Variants in OLFM1 observed in about 807,000 individuals in gnomAD.
OLFM1 encodes noelin.
Under a neutral mutation model 49.7 loss-of-function variants are expected in OLFM1, and 9 were observed. The ratio of observed to expected loss-of-function variants is 0.18; its 90% CI spans 0.11 to 0.32. OLFM1 has a LOEUF of 0.32. Ranked by LOEUF, OLFM1 falls within the 10% of genes least tolerant of loss-of-function variation. OLFM1 has a pLI of 1.00. For missense variants in OLFM1, 369 were observed against 661.8 expected, an observed-to-expected ratio of 0.56 and a Z score of 4.85; for synonymous variants, 240 against 271.8, an observed-to-expected ratio of 0.88 and a Z score of 1.15.
intron 4 of OLFM1, among the ~76,000 whole-genome samples, chr9:135,102,272 G>C (rs1283952749): frequency 6.6e-6 from 1 of 152,162 alleles, no homozygotes; most frequent in African/African-American, 2.4e-5. Context: ...TGTGAGAAAG[G>C]GTCAGCCAGG....
intron 4 of OLFM1, chr9:135,106,122 G>A (rs1189115502): frequency 2.0e-5 from 3 of 152,530 alleles, no homozygotes; most frequent in African/African-American, 7.2e-5. Flanking sequence ...GCTCCAGCTT[G>A]GGCTCCTCCC....
chr9:135,091,228 C>T (rs1254110552), intron 2 of OLFM1, among the ~76,000 whole-genome samples: 7 of 152,228 alleles, frequency 4.6e-5, no homozygotes. Context: ...CACATTCCAC[C>T]CAAGGACCCC....
At chr9:135,091,611 A>AGACAGT in intron 2 of OLFM1, among the ~76,000 whole-genome samples, 2 of 142,714 alleles carry the variant, frequency 1.4e-5, no homozygotes, top group Middle Eastern at 3.6e-3. Flanking sequence ...ACACATAGTC[A>AGACAGT]CACAGTCACA....
At chr9:135,076,353 T>A (rs1031470543) in intron 1 of OLFM1, 18 of 1,542,584 alleles carry the variant, frequency 1.2e-5, no homozygotes, top group South Asian at 4.8e-5. Flanking sequence ...TGGCTTAATA[T>A]GCAGGGCTTG....
exon 1 of OLFM1, chr9:135,075,600 TGG>T: frequency 1.5e-6 from 1 of 656,530 alleles, no homozygotes; most frequent in Non-Finnish European, 2.3e-6. Context: ...AATCCAGGCG[TGG>T]GGACACGAGC....
intron 5 of OLFM1, among the ~76,000 whole-genome samples, chr9:135,110,057 G>A (rs73664052): frequency 0.024 from 3,608 of 152,270 alleles, 139 homozygotes; most frequent in African/African-American, 0.082. Context: ...CCACCCCTGC[G>A]CTTCCCAGGG....
upstream of OLFM1, among the ~76,000 whole-genome samples, chr9:135,084,710 C>T (rs1369799599): frequency 2.0e-5 from 3 of 152,210 alleles, no homozygotes; most frequent in East Asian, 5.8e-4. The surrounding 1 kb of genome is among the most constrained non-coding windows in gnomAD (Gnocchi z 4.6). Context: ...AAACAGCAAC[C>T]GGGCATCCAA....
intron 2 of OLFM1, 50 bp downstream of exon 2, chr9:135,090,394 G>A (rs375358150): frequency 9.7e-5 from 152 of 1,561,040 alleles, no homozygotes; most frequent in Non-Finnish European, 1.3e-4. Flanking sequence ...GTTTGTGTGT[G>A]TGTGTGTGTG....
chr9:135,120,397 C>G lies in OLFM1; in HGVS notation c.*219C>G. On this transcript the variant is annotated 3_prime_UTR_variant, in exon 6 of 6. Transcript: ENST00000371793. ...GAAACTCCCGTATTTGCAGCTGGAA[C>G]TGCAGCCCACGGCGCCCCGGTTTTC... 1 of 586,968 alleles carries G rather than the reference C, an allele frequency of 1.7e-6. No individual in the cohort carries two copies. The highest frequency in any genetic ancestry group is 1.9e-5 in the African/African-American group (1 of 53,708). The allele number at this position is 586,968 out of a possible 1,614,324, so 36.4% of individuals were successfully genotyped here.
intron 5 of OLFM1, among the ~76,000 whole-genome samples, chr9:135,115,123 G>A (rs1337601885): frequency 6.6e-6 from 1 of 152,196 alleles, no homozygotes; most frequent in Non-Finnish European, 1.5e-5. Flanking sequence ...AAAGGTCAAG[G>A]GTGAATGTAC....
chr9:135,118,775 GTCTTTGGAGT>G (rs1831137936), intron 5 of OLFM1, among the ~76,000 whole-genome samples: 1 of 148,714 alleles, frequency 6.7e-6, no homozygotes, highest in African/African-American at 2.5e-5. Flanking sequence ...TGCTCGCCGT[GTCTTTGGAGT>G]GCTCGCCGTG....
intron 1 of OLFM1, among the ~76,000 whole-genome samples, chr9:135,078,097 A>G (rs1830490774): frequency 6.6e-6 from 1 of 152,204 alleles, no homozygotes; most frequent in Non-Finnish European, 1.5e-5. Flanking sequence ...TCCATCCCCA[A>G]GCATCTTACT....
At chr9:135,084,696 T>C (rs1409391799), upstream of OLFM1, among the ~76,000 whole-genome samples, 1 of 152,124 alleles carries the variant, frequency 6.6e-6, no homozygotes, top group Non-Finnish European at 1.5e-5. This position sits in a 1 kb window ranked among gnomAD's most constrained non-coding sequence, Gnocchi z 4.6. Context: ...GTATGCGTAT[T>C]TTTAAACAGC....
exon 1 of OLFM1, chr9:135,075,717 G>A (rs1830454790): frequency 1.2e-6 from 2 of 1,600,058 alleles, no homozygotes; most frequent in African/African-American, 1.4e-5. Context: ...ATGCCAGGTC[G>A]TTGGAGGTGG....
Position 135,097,773 on chromosome 9 carries a change from A to G in OLFM1, c.457-513A>G, listed in dbSNP as rs908315796. 9 of 1,611,534 alleles carry G rather than the reference A, an allele frequency of 5.6e-6. No homozygotes were observed. In the African/African-American group the frequency reaches 1.2e-4, roughly 22 times the overall value. On this transcript the variant is annotated intron_variant, in intron 3 of 5. Transcript: ENST00000371793. ...TTCTTCAACGGTATTTCATTTTCTTACTTGCAGGGCTAACTTAAAAGAGTT... is the reference window on the plus strand; with the variant it reads ...TTCTTCAACGGTATTTCATTTTCTTGCTTGCAGGGCTAACTTAAAAGAGTT...
chr9:135,119,737 C>T lies in OLFM1; in HGVS notation c.1017C>T (p.Ala339=), dbSNP rs558323197. The change falls in exon 6 of 6, where the codon GCC becomes GCT. Residue 339 remains alanine, a synonymous_variant. Transcript: ENST00000371793. ...TILKTRSLDY[A]GYNNMYHYAW... Reference sequence around the variant, plus strand: ...TCAAGACCCGCAGCCTGGACTATGCCGGTTACAACAACATGTACCACTACG... The same window carrying T: ...TCAAGACCCGCAGCCTGGACTATGCTGGTTACAACAACATGTACCACTACG... 32 of 1,614,072 alleles carry T rather than the reference C, an allele frequency of 2.0e-5. No individual in the cohort carries two copies. The East Asian group carries it at 3.3e-4, about 17-fold the overall frequency.
chr9:135,100,639 T>C (rs1289220114), intron 4 of OLFM1, among the ~76,000 whole-genome samples: 1 of 152,216 alleles, frequency 6.6e-6, no homozygotes, highest in Non-Finnish European at 1.5e-5. Context: ...GCTCCCCCGT[T>C]AGAGGAGGCA....
At chr9:135,112,682 C>T (rs1209421338) in intron 5 of OLFM1, among the ~76,000 whole-genome samples, 9 of 152,258 alleles carry the variant, frequency 5.9e-5, no homozygotes, top group Admixed American at 5.9e-4. Context: ...GTCTCCTGGG[C>T]CGCTGTGGAT....
chr9:135,091,719 A>ATACACAGT (rs1564270953), intron 2 of OLFM1, among the ~76,000 whole-genome samples: 3 of 150,370 alleles, frequency 2.0e-5, no homozygotes, highest in Non-Finnish European at 4.4e-5. Context: ...ACACATAGTC[A>ATACACAGT]CACACTCATA....
Sources: gnomAD v4.1 joint callset for allele counts (sites outside exome capture counted in the v4.1 genomes callset) on GRCh38, gnomAD v4.1.1 for gene constraint, Gnocchi (gnomAD v3.1) non-coding constraint, MANE v1.5 for transcripts, NCBI Gene and HGNC (gene_info 2026-07-23, HGNC 2026-07-21) for gene names.